Variants in RC3H1 observed in about 807,000 individuals in gnomAD.
The protein encoded by RC3H1 is roquin-1.
Under a neutral mutation model 138.2 loss-of-function variants are expected in RC3H1, and 50 were observed. The ratio of observed to expected loss-of-function variants is 0.36; its 90% CI spans 0.29 to 0.46. The LOEUF (loss-of-function observed/expected upper bound fraction) is 0.46. Ranked by LOEUF, RC3H1 falls within the 20% of genes least tolerant of loss-of-function variation. RC3H1 has a pLI of 1.00. For missense variants in RC3H1, 1,031 were observed against 1,388.1 expected, an observed-to-expected ratio of 0.74 and a Z score of 4.09; for synonymous variants, 462 against 489.1, an observed-to-expected ratio of 0.94 and a Z score of 0.73.
In RC3H1 at chr1:173,943,484, C is replaced by G. The variant is rs764577836; in HGVS notation, c.3093G>C (p.Gln1031His). The change falls in exon 18 of 20, where the codon CAG (glutamine) becomes CAC (histidine). Residue 1031 changes from glutamine to histidine, a missense_variant. Physicochemically the swap from Gln to His is conservative, Grantham distance 24 (BLOSUM62 0). This residue lies in a region of RC3H1 where 716 missense variants were observed against 837.9 expected (regional missense o/e 0.85). Transcript: ENST00000367696. ...SSEQLSLELH[Q>H]VEREIGKRTR... ...TTCTCTTCCCGATTTCCCTTTCCAC[C>G]TGGTGCAGTTCCAAGCTCAACTGCT... is the stretch of plus-strand genomic sequence containing the variant. 3.7e-6 allele frequency: 6 copies of G among 1,613,876 alleles called. No homozygotes were observed. The Admixed American group carries it at 5.0e-5, about 13-fold the overall frequency.
At chr1:174,007,858 C>T (rs1661681418) in intron 1 of RC3H1, among the ~76,000 whole-genome samples, 1 of 152,038 alleles carries the variant, frequency 6.6e-6, no homozygotes, top group Admixed American at 6.6e-5. Flanking sequence ...AGGAAGCTAC[C>T]CTTTGTGAAC....
chr1:173,964,821 G>T lies in RC3H1; in HGVS notation c.1616+18C>A. 1.3e-6 allele frequency: 2 copies of T among 1,589,836 alleles called. No individual in the cohort carries two copies. Among genetic ancestry groups the T allele is most frequent in the Non-Finnish European group, 1.7e-6 (2 of 1,164,832 alleles). On this transcript the variant is annotated intron_variant, in intron 10 of 19. Coordinates refer to ENST00000367696, the MANE Select transcript of RC3H1 (RefSeq NM_172071.4). ...ATGAAGAAGAAATTTTGAAATAAGAGTTAGAAAAATGACGTACAGGTCAGG... is the reference window on the plus strand; with the variant it reads ...ATGAAGAAGAAATTTTGAAATAAGATTTAGAAAAATGACGTACAGGTCAGG...
Position 173,934,109 on chromosome 1 carries a change from G to C in RC3H1, c.*4612C>G, listed in dbSNP as rs532768785. On this transcript the variant is annotated 3_prime_UTR_variant, in exon 20 of 20. Coordinates refer to ENST00000367696, the MANE Select transcript of RC3H1 (RefSeq NM_172071.4). Reference sequence around the variant, plus strand: ...AAACCTTTACTCAATTATTTAAAACGAGCAAAAAGAGAGTAGAAAAATGGT... The same window carrying C: ...AAACCTTTACTCAATTATTTAAAACCAGCAAAAAGAGAGTAGAAAAATGGT... 9.2e-5 allele frequency: 14 copies of C among 152,040 alleles called. No individual in the cohort carries two copies. The highest frequency in any genetic ancestry group is 3.4e-4 in the African/African-American group (14 of 41,408). 9.4% of individuals were successfully genotyped at this position (152,040 alleles called of 1,614,324 possible).
At chr1:174,008,911 A>G (rs976407264) in intron 1 of RC3H1, among the ~76,000 whole-genome samples, 12 of 140,248 alleles carry the variant, frequency 8.6e-5, no homozygotes, top group Non-Finnish European at 1.7e-4. Context: ...CAGGAGGCGG[A>G]GGTTGCAGTG....
chr1:174,011,713 T>A (rs1004518601), intron 1 of RC3H1, among the ~76,000 whole-genome samples: 3 of 152,148 alleles, frequency 2.0e-5, no homozygotes, highest in African/African-American at 7.2e-5. Context: ...TTTCAAGCTG[T>A]GAAAATTTTT....
chr1:173,958,818 T>C (rs1403185848), intron 13 of RC3H1, among the ~76,000 whole-genome samples: 2 of 152,070 alleles, frequency 1.3e-5, no homozygotes, highest in East Asian at 3.8e-4. Context: ...TTGACTGTTT[T>C]TTTTTTCTGA....
At chr1:173,945,286 T>C (rs1188878389) in intron 17 of RC3H1, among the ~76,000 whole-genome samples, 1 of 152,126 alleles carries the variant, frequency 6.6e-6, no homozygotes, top group Non-Finnish European at 1.5e-5. Context: ...CTACCATGCC[T>C]GGCCAATTTT....
intron 14 of RC3H1, among the ~76,000 whole-genome samples, 175 bp downstream of exon 14, chr1:173,951,811 T>C (rs775211565): frequency 7.2e-5 from 11 of 152,212 alleles, no homozygotes; most frequent in Non-Finnish European, 1.3e-4. Flanking sequence ...TATTTTTATT[T>C]ACACCTAAAT....
chr1:173,970,739 C>T (rs1403375827), intron 8 of RC3H1, 122 bp from the exon 9 acceptor site: 1 of 584,790 alleles, frequency 1.7e-6, no homozygotes, highest in African/African-American at 1.9e-5. Flanking sequence ...TTTAGATTAC[C>T]AAGAGCAAAA....
intron 1 of RC3H1, among the ~76,000 whole-genome samples, chr1:174,017,783 C>CCAAAAAAAAAAAAAAAAAAAAAAAAAA (rs1165317766): frequency 4.2e-5 from 3 of 72,032 alleles, no homozygotes; most frequent in Admixed American, 1.7e-4. Flanking sequence ...TTTTCTTGCT[C>CCAAAAAAAAAAAAAAAAAAAAAAAAAA]AAAAAAAAAA....
intron 1 of RC3H1, among the ~76,000 whole-genome samples, chr1:174,006,411 A>C (rs959136889): frequency 6.6e-6 from 1 of 152,090 alleles, no homozygotes; most frequent in Non-Finnish European, 1.5e-5. Context: ...CTTTCCAACA[A>C]CCTTCTGACA....
chr1:173,994,826 C>G (rs936604241), intron 1 of RC3H1, among the ~76,000 whole-genome samples: 1 of 147,734 alleles, frequency 6.8e-6, no homozygotes, highest in Admixed American at 6.7e-5. Context: ...AAAAAAGAAA[C>G]CTTATTCCAT....
At chr1:173,965,266 A>G (rs1660060546) in intron 9 of RC3H1, 146 bp from the exon 10 acceptor site, 1 of 781,458 alleles carries the variant, frequency 1.3e-6, no homozygotes, top group Non-Finnish European at 2.0e-6. Context: ...AATCTCTAGC[A>G]GCAAGACATA....
chr1:173,967,304 A>C (rs1161236462), intron 9 of RC3H1, among the ~76,000 whole-genome samples: 1 of 152,206 alleles, frequency 6.6e-6, no homozygotes, highest in Non-Finnish European at 1.5e-5. Flanking sequence ...TGGGAGACAG[A>C]GTAAGACCCT....
chr1:173,968,535 G>A (rs1660216620), intron 9 of RC3H1, among the ~76,000 whole-genome samples: 2 of 152,086 alleles, frequency 1.3e-5, no homozygotes, highest in Non-Finnish European at 2.9e-5. Context: ...GGCAATTCAT[G>A]TTTGTGATTT....
Position 173,958,077 on chromosome 1 carries a change from CAGTT to C in RC3H1, c.2370+2996_2370+2999del, listed in dbSNP as rs149905232. Among the ~76,000 whole-genome samples the C allele has an allele frequency of 7.2e-5, 11 of 151,956 alleles. No homozygotes were observed. In the East Asian group the frequency reaches 2.1e-3, roughly 29 times the overall value. On this transcript the variant is annotated intron_variant, in intron 13 of 19. Coordinates refer to ENST00000367696, the MANE Select transcript of RC3H1 (RefSeq NM_172071.4). ...TTTTCATTTATTATTCATGATTTGT[CAGTT>C]AGCAATGTTTAGAATCATAATTCTA...
Position 173,970,562 on chromosome 1 carries a change from C to T in RC3H1, c.1277G>A (p.Gly426Glu). 1 of 1,614,004 alleles carries T rather than the reference C, an allele frequency of 6.2e-7. No individual in the cohort carries two copies. Among genetic ancestry groups the T allele is most frequent in the South Asian group, 1.1e-5 (1 of 91,070 alleles). ...ACAGCTGGCCCCACGAGGGCATCCT[C>T]CTCTCTGCTTCATATCTCGACACAT... The part of the protein sequence containing the change: ...TYMCRDMKQR[G>E]GCPRGASCTF... The change falls in exon 9 of 20, where the codon GGA (glycine) becomes GAA (glutamate). Residue 426 changes from glycine (G) to glutamate (E), a missense_variant. Gly to Glu is a moderately conservative substitution (Grantham distance 98). This residue lies in a region of RC3H1 where 142 missense variants were observed against 224.6 expected (regional missense o/e 0.63). Coordinates refer to ENST00000367696, the MANE Select transcript of RC3H1 (RefSeq NM_172071.4).
chr1:173,966,018 T>C (rs957082312), intron 9 of RC3H1, among the ~76,000 whole-genome samples: 1 of 152,084 alleles, frequency 6.6e-6, no homozygotes, highest in Non-Finnish European at 1.5e-5. Context: ...GGTGCATGCC[T>C]GTGGTCCCAG....
intron 9 of RC3H1, among the ~76,000 whole-genome samples, chr1:173,966,871 T>C (rs1050100974): frequency 2.6e-5 from 4 of 152,234 alleles, no homozygotes; most frequent in Admixed American, 2.0e-4. Context: ...TGTATCATTA[T>C]ATGGAATTGT....
Sources: gnomAD v4.1 joint callset for allele counts (sites outside exome capture counted in the v4.1 genomes callset) on GRCh38, gnomAD v4.1.1 for gene constraint, gnomAD v4.1.1 regional missense constraint, MANE v1.5 for transcripts, NCBI Gene and HGNC (gene_info 2026-07-23, HGNC 2026-07-21) for gene names.